COL14A1: variants seen among roughly 807,000 people sequenced by gnomAD.
COL14A1 encodes collagen alpha-1(XIV) chain.
A neutral mutation model predicts 230.3 loss-of-function variants in COL14A1; 136 were observed. The ratio of observed to expected loss-of-function variants is 0.59; its 90% CI spans 0.51 to 0.68. The LOEUF (loss-of-function observed/expected upper bound fraction) is 0.68. Ranked by LOEUF, COL14A1 falls within the 30% of genes least tolerant of loss-of-function variation. The probability of loss-of-function intolerance (pLI) is 0.00; values close to 1 mark genes in which losing one functional copy is unlikely to be tolerated. For missense variants in COL14A1, 1,976 were observed against 2,215.8 expected (o/e 0.89, Z 2.17); for synonymous variants, 792 against 784.1 (o/e 1.01, Z -0.17).
At chr8:120,195,617 T>C (rs575660008) in intron 5 of COL14A1, among the ~76,000 whole-genome samples, 2 of 152,280 alleles carry the variant, frequency 1.3e-5, no homozygotes, top group South Asian at 2.1e-4. Flanking sequence ...TTCACAATCA[T>C]GGCGAAAGAC....
At chr8:120,277,552 A>G (rs1479124019) in intron 26 of COL14A1, 1 of 152,156 alleles carries the variant, frequency 6.6e-6, no homozygotes, top group African/African-American at 2.4e-5. Flanking sequence ...TGTGGTGAAC[A>G]TACAGCAAGA....
intron 1 of COL14A1, among the ~76,000 whole-genome samples, chr8:120,133,679 A>C (rs1441976999): frequency 6.6e-6 from 1 of 152,180 alleles, no homozygotes; most frequent in Admixed American, 6.5e-5. Context: ...CAGTCTGTCT[A>C]GCCATGTGTC....
chr8:120,320,645 A>G (rs1821404873), intron 40 of COL14A1, among the ~76,000 whole-genome samples: 1 of 152,196 alleles, frequency 6.6e-6, no homozygotes. Context: ...TATTCCCTTG[A>G]GCATCTTCCT....
At chr8:120,368,198 C>A (rs1410057182) in intron 46 of COL14A1, among the ~76,000 whole-genome samples, 1 of 151,930 alleles carries the variant, frequency 6.6e-6, no homozygotes, top group Admixed American at 6.6e-5. Context: ...GATGATCAGG[C>A]TTGATATTAG....
intron 19 of COL14A1, 114 bp from the exon 20 acceptor site, chr8:120,243,761 ACTCT>A (rs1818679766): frequency 8.3e-7 from 1 of 1,207,156 alleles, no homozygotes; most frequent in Admixed American, 2.3e-5. Context: ...TTTTCTCCTC[ACTCT>A]CAAAGCACAT....
chr8:120,292,535 T>A (rs1411987701), intron 34 of COL14A1, among the ~76,000 whole-genome samples: 5 of 152,124 alleles, frequency 3.3e-5, no homozygotes, highest in Non-Finnish European at 7.4e-5. Context: ...AAACTCAGAC[T>A]TGCTTTTTGA....
rs915473564 is a variant in COL14A1, at chr8:120,327,361, G to A, written c.4660-4780G>A. The stretch of plus-strand genomic sequence containing the variant: ...GACTCTTATGTGAGTCAACTCTGAC[G>A]TGTAATTCACACTCCAGAGCTCCCC... On this transcript the variant is annotated intron_variant, in intron 40 of 47. Transcript: ENST00000297848. Among the ~76,000 whole-genome samples, 9 of 152,230 alleles carry A rather than the reference G, an allele frequency of 5.9e-5. No individual in the cohort carries two copies. In the East Asian group the frequency reaches 7.7e-4, roughly 13 times the overall value.
chr8:120,129,626 T>C (rs1451447132), intron 1 of COL14A1, among the ~76,000 whole-genome samples: 3 of 152,334 alleles, frequency 2.0e-5, no homozygotes, highest in East Asian at 3.9e-4. Flanking sequence ...ATAGTTTTTC[T>C]GTAAATTAGA....
At chr8:120,227,740 A>C (rs534273295) in intron 17 of COL14A1, among the ~76,000 whole-genome samples, 1 of 152,310 alleles carries the variant, frequency 6.6e-6, no homozygotes, top group East Asian at 1.9e-4. Flanking sequence ...TAGGGCCAAC[A>C]TGTCAAAGAG....
intron 19 of COL14A1, among the ~76,000 whole-genome samples, chr8:120,235,829 T>C (rs966153028): frequency 6.6e-6 from 1 of 152,254 alleles, no homozygotes; most frequent in African/African-American, 2.4e-5. Flanking sequence ...TTTGTTCTCA[T>C]TGGTTCCAAA....
At chr8:120,298,636 T>C (rs866560716) in intron 35 of COL14A1, among the ~76,000 whole-genome samples, 88 of 124,518 alleles carry the variant, frequency 7.1e-4, no homozygotes, top group African/African-American at 2.6e-3. Flanking sequence ...TATATATATA[T>C]ATACAAAAAT....
intron 8 of COL14A1, among the ~76,000 whole-genome samples, chr8:120,201,688 C>A (rs926924348): frequency 6.6e-6 from 1 of 152,072 alleles, no homozygotes; most frequent in Non-Finnish European, 1.5e-5. Context: ...AAACTTTAGA[C>A]CCTGTCCTAG....
At chr8:120,167,392 C>T (rs1015778824) in intron 4 of COL14A1, among the ~76,000 whole-genome samples, 1 of 152,186 alleles carries the variant, frequency 6.6e-6, no homozygotes, top group Non-Finnish European at 1.5e-5. Flanking sequence ...CTCACTTCTG[C>T]ATTTTCACAG....
intron 5 of COL14A1, among the ~76,000 whole-genome samples, chr8:120,196,063 A>G (rs1282337072): frequency 1.3e-5 from 2 of 152,198 alleles, no homozygotes; most frequent in African/African-American, 2.4e-5. Context: ...CTCTAATAGT[A>G]AAACATAGGT....
At chr8:120,158,039 G>A in intron 2 of COL14A1, 91 bp from the exon 3 acceptor site, 1 of 678,662 alleles carries the variant, frequency 1.5e-6, no homozygotes, top group East Asian at 2.7e-5. Context: ...TCTTTTGTGT[G>A]TATTTTTATT....
chr8:120,345,490 T>A lies in COL14A1; in HGVS notation c.5004T>A (p.Pro1668=), dbSNP rs376935629. 77 of 1,605,106 alleles carry A rather than the reference T, an allele frequency of 4.8e-5. No homozygotes were observed. The highest frequency in any genetic ancestry group is 2.8e-5 in the Non-Finnish European group (33 of 1,176,156). The part of the protein sequence containing the change: ...EPGRPGSPGA[P]GEQGPPGTPG... ...GGAGGCCAGGCTCACCTGGAGCCCCTGGTGAACAAGGACCCCCAGGCACAC... is the reference window on the plus strand; with the variant it reads ...GGAGGCCAGGCTCACCTGGAGCCCCAGGTGAACAAGGACCCCCAGGCACAC... Residue 1668 remains proline, a synonymous_variant, in exon 45 of 48, where the codon CCT becomes CCA. Coordinates refer to ENST00000297848, the MANE Select transcript of COL14A1 (RefSeq NM_021110.4).
At chr8:120,216,302 T>G in intron 13 of COL14A1, 49 bp from the exon 14 acceptor site, 1 of 1,518,756 alleles carries the variant, frequency 6.6e-7, no homozygotes, top group Non-Finnish European at 9.0e-7. Flanking sequence ...TCTTTTTACA[T>G]GTATGTAATT....
chr8:120,133,791 A>T (rs1814622909), intron 1 of COL14A1, among the ~76,000 whole-genome samples: 1 of 152,134 alleles, frequency 6.6e-6, no homozygotes, highest in South Asian at 2.1e-4. Flanking sequence ...AAGTAATAAG[A>T]AAAGGGAAAG....
chr8:120,277,086 G>A (rs1330896523), intron 26 of COL14A1, among the ~76,000 whole-genome samples: 1 of 152,042 alleles, frequency 6.6e-6, no homozygotes, highest in African/African-American at 2.4e-5. Flanking sequence ...TGATCCAAAA[G>A]TTCCACAGGA....
Sources: gnomAD v4.1 joint callset for allele counts (sites outside exome capture counted in the v4.1 genomes callset) on GRCh38, gnomAD v4.1.1 for gene constraint, MANE v1.5 for transcripts, NCBI Gene and HGNC (gene_info 2026-07-23, HGNC 2026-07-21) for gene names.